SLC43A2: variants seen among roughly 807,000 people sequenced by gnomAD.
SLC43A2 encodes the protein large neutral amino acids transporter small subunit 4.
In SLC43A2, 38 loss-of-function variants were observed where a neutral mutation model predicts 63.2. The observed-to-expected ratio is 0.60, with a 90% CI of 0.46 to 0.79. SLC43A2 has a LOEUF of 0.79. SLC43A2 is among the 30% of genes least tolerant of loss of function. The pLI is 0.00. For missense variants in SLC43A2, 644 were observed against 756.2 expected (o/e 0.85, Z 1.74); for synonymous variants, 322 against 331.0 (o/e 0.97, Z 0.30).
At chr17:1,627,361 T>C (rs2151086158) in intron 2 of SLC43A2, among the ~76,000 whole-genome samples, 1 of 152,196 alleles carries the variant, frequency 6.6e-6, no homozygotes. Context: ...CAGCAACATG[T>C]TTACTACCAG....
chr17:1,591,739 G>GGGGC, intron 6 of SLC43A2, 40 bp from the exon 7 acceptor site: 4 of 512,308 alleles, frequency 7.8e-6, no homozygotes, highest in Non-Finnish European at 1.6e-5. Flanking sequence ...GGGGGAGGGG[G>GGGGC]CAGAGTTAGC....
chr17:1,594,743 A>T (rs868447710), intron 5 of SLC43A2, among the ~76,000 whole-genome samples: 38 of 150,976 alleles, frequency 2.5e-4, no homozygotes, highest in Admixed American at 1.6e-3. Flanking sequence ...GCCCGCCACC[A>T]CACCCGGCTA....
Position 1,583,411 on chromosome 17 carries a change from C to T in SLC43A2, c.1218-75G>A. 10 of 1,588,962 alleles carry T rather than the reference C, an allele frequency of 6.3e-6. No individual in the cohort carries two copies. The highest frequency in any genetic ancestry group is 8.6e-6 in the Non-Finnish European group (10 of 1,165,166). ...CGGGTGCTCCTGAGAAGTCAGGCCT[C>T]AAGCGTCGCAGCAGGTAAACTGACG... On this transcript the variant is annotated intron_variant, in intron 10 of 13. Coordinates refer to ENST00000301335, the MANE Select transcript of SLC43A2 (RefSeq NM_152346.3). This position sits in a 1 kb window ranked among gnomAD's most constrained non-coding sequence, Gnocchi z 5.5.
intron 8 of SLC43A2, 93 bp downstream of exon 8, chr17:1,591,176 C>T (rs996793473): frequency 1.4e-5 from 21 of 1,497,176 alleles, no homozygotes; most frequent in African/African-American, 1.1e-4. Flanking sequence ...CGGGCGGGGC[C>T]GCCTCCCCTT....
At chr17:1,586,196 G>T in intron 9 of SLC43A2, 145 bp from the exon 10 acceptor site, 2 of 1,289,550 alleles carry the variant, frequency 1.6e-6, no homozygotes, top group Non-Finnish European at 2.1e-6. Context: ...CTTGCGAGGA[G>T]CCCGGAGACC....
At chr17:1,617,760 G>A (rs563352832) in intron 2 of SLC43A2, among the ~76,000 whole-genome samples, 3 of 152,110 alleles carry the variant, frequency 2.0e-5, no homozygotes, top group Non-Finnish European at 4.4e-5. Context: ...CCTAGACCTC[G>A]CTGGGTGCTG....
chr17:1,591,526 G>A (rs374564170), intron 7 of SLC43A2, 40 bp downstream of exon 7: 37 of 1,602,770 alleles, frequency 2.3e-5, no homozygotes, highest in African/African-American at 5.4e-5. Flanking sequence ...GCTGGGGGGC[G>A]GGGGCTGGGG....
chr17:1,629,192 C>T (rs1211758566), upstream of SLC43A2, among the ~76,000 whole-genome samples: 1 of 151,896 alleles, frequency 6.6e-6, no homozygotes, highest in African/African-American at 2.4e-5. Flanking sequence ...CCAGAAGCCG[C>T]CGGGCCACCA....
chr17:1,605,132 C>T lies in SLC43A2; in HGVS notation c.501+8063G>A. On this transcript the variant is annotated intron_variant, in intron 5 of 13. Transcript: ENST00000301335. This position sits in a 1 kb window ranked among gnomAD's most constrained non-coding sequence, Gnocchi z 4.9. ...CGCCCTCAGGTGCTTCCCACAGCCC[C>T]CTCGCCGCCTCTGCCTCCGTGCGGG... 1 of 1,286,900 alleles carries T rather than the reference C, an allele frequency of 7.8e-7. No homozygotes were observed. The highest frequency in any genetic ancestry group is 1.7e-5 in the South Asian group (1 of 58,296). The allele number at this position is 1,286,900 out of a possible 1,614,324, so 79.7% of individuals were successfully genotyped here.
chr17:1,604,536 A>C lies in SLC43A2; in HGVS notation c.501+8659T>G. 3 of 626,036 alleles carry C rather than the reference A, an allele frequency of 4.8e-6. No individual in the cohort carries two copies. In the South Asian group the frequency reaches 6.1e-5, roughly 13 times the overall value. 38.8% of individuals were successfully genotyped at this position (626,036 alleles called of 1,614,324 possible). The stretch of plus-strand genomic sequence containing the variant: ...GGGGGTCCCTCACCCCCCGGAGGTC[A>C]CCACACTGATGCTGAACTTAGTGTA... On this transcript the variant is annotated intron_variant, in intron 5 of 13. Transcript: ENST00000301335.
At position 1,583,259 on chromosome 17, in the gene SLC43A2, T is replaced by C. The variant is rs1289205385; in HGVS notation, c.1295A>G (p.Asn432Ser). 1.9e-6 allele frequency: 3 copies of C among 1,613,938 alleles called. No individual in the cohort carries two copies. Among genetic ancestry groups the C allele is most frequent in the Non-Finnish European group, 2.5e-6 (3 of 1,180,000 alleles). Residue 432 changes from asparagine to serine, a missense_variant, in exon 11 of 14, where the codon AAC becomes AGC. Physicochemically the swap from Asn to Ser is conservative, Grantham distance 46. Transcript: ENST00000301335. The surrounding 1 kb of genome is among the most constrained non-coding windows in gnomAD (Gnocchi z 5.5). ...TNAMRAFAFT[N>S]LLLVGFGVTC... Reference sequence around the variant, plus strand: ...CACCCCAAAGCCCACGAGCAGCAGGTTGGTGAAGGCGAAGGCCCGCATGGC... The same window carrying C: ...CACCCCAAAGCCCACGAGCAGCAGGCTGGTGAAGGCGAAGGCCCGCATGGC...
intron 2 of SLC43A2, among the ~76,000 whole-genome samples, chr17:1,620,309 A>G (rs1369514679): frequency 6.6e-6 from 1 of 152,160 alleles, no homozygotes; most frequent in African/African-American, 2.4e-5. Flanking sequence ...CAGAGGTTGC[A>G]GTGAGCCGAG....
chr17:1,588,083 G>T (rs8075750), intron 9 of SLC43A2, among the ~76,000 whole-genome samples: 3 of 152,130 alleles, frequency 2.0e-5, no homozygotes, highest in South Asian at 2.1e-4. Flanking sequence ...GGACAGCATG[G>T]GCCACGTCTT....
chr17:1,618,378 C>A (rs1907866550), intron 2 of SLC43A2, among the ~76,000 whole-genome samples: 1 of 152,152 alleles, frequency 6.6e-6, no homozygotes, highest in Non-Finnish European at 1.5e-5. Context: ...ATTCAGAAAA[C>A]CTTCTGGAGC....
In SLC43A2 at chr17:1,610,333, G is replaced by T. The variant is rs145332603; in HGVS notation, c.501+2862C>A. Among the ~76,000 whole-genome samples, 537 of 151,658 alleles carry T rather than the reference G, an allele frequency of 3.5e-3. 3 individuals carry two copies. The highest frequency in any genetic ancestry group is 0.012 in the African/African-American group (492 of 41,346). On this transcript the variant is annotated intron_variant, in intron 5 of 13. Transcript: ENST00000301335. ...GCTGGAATATAGTGGTGTCATTGTGGCATACTGTGGCCTGGAACTTCTGGG... is the reference window on the plus strand; with the variant it reads ...GCTGGAATATAGTGGTGTCATTGTGTCATACTGTGGCCTGGAACTTCTGGG...
chr17:1,582,730 C>A (rs1195176127), intron 11 of SLC43A2, among the ~76,000 whole-genome samples: 1 of 152,186 alleles, frequency 6.6e-6, no homozygotes, highest in Admixed American at 6.5e-5. Flanking sequence ...GGAACAGGCC[C>A]TCCGCAAATA....
chr17:1,605,379 A>T lies in SLC43A2; in HGVS notation c.501+7816T>A. ...CCGGACAGGAGTGCCTGCAGGGCCA[A>T]GGCCCTGGGACAGTGCGGGCGCGGG... On this transcript the variant is annotated intron_variant, in intron 5 of 13. Transcript: ENST00000301335. This position sits in a 1 kb window ranked among gnomAD's most constrained non-coding sequence, Gnocchi z 4.9. 2 of 301,610 alleles carry T rather than the reference A, an allele frequency of 6.6e-6. No individual in the cohort carries two copies. The highest frequency in any genetic ancestry group is 1.0e-5 in the Non-Finnish European group (2 of 199,956). 18.7% of individuals were successfully genotyped at this position (301,610 alleles called of 1,614,324 possible).
Position 1,590,704 on chromosome 17 carries a change from C to T in SLC43A2, c.1078+98G>A, listed in dbSNP as rs538168406. The T allele has an allele frequency of 2.8e-3, 4,118 of 1,467,160 alleles. 46 individuals are homozygous for T. Among genetic ancestry groups the T allele is most frequent in the South Asian group, 0.02 (1,569 of 76,652 alleles). 90.9% of individuals were successfully genotyped at this position (1,467,160 alleles called of 1,614,324 possible). ...CCTGGGATGCGGCCTTTCCATGGCC[C>T]GGCTGGCCCGGCTCAGCTTAACACA... is the stretch of plus-strand genomic sequence containing the variant. On this transcript the variant is annotated intron_variant, in intron 9 of 13. Transcript: ENST00000301335.
chr17:1,624,929 C>T (rs1267422138), intron 2 of SLC43A2, among the ~76,000 whole-genome samples: 1 of 152,090 alleles, frequency 6.6e-6, no homozygotes, highest in Non-Finnish European at 1.5e-5. Flanking sequence ...GTAGCCGCAG[C>T]CCCCCAGGCT....
Sources: gnomAD v4.1 joint callset for allele counts (sites outside exome capture counted in the v4.1 genomes callset) on GRCh38, gnomAD v4.1.1 for gene constraint, Gnocchi (gnomAD v3.1) non-coding constraint, MANE v1.5 for transcripts, NCBI Gene and HGNC (gene_info 2026-07-23, HGNC 2026-07-21) for gene names.